Variants in HHLA1 observed in about 807,000 individuals in gnomAD.
HHLA1 encodes the protein HERV-H LTR-associating protein 1.
In HHLA1, 72 loss-of-function variants were observed where a neutral mutation model predicts 69.9. The ratio of observed to expected loss-of-function variants is 1.03; its 90% CI spans 0.85 to 1.25. The LOEUF (loss-of-function observed/expected upper bound fraction) is 1.25, where lower values mean the gene tolerates loss of function less well. Among genes scored for constraint, HHLA1 ranks in the 50% most tolerant of loss-of-function variants. The pLI, the probability that HHLA1 is intolerant of heterozygous loss-of-function variation, is 0.00. For synonymous variants in HHLA1, 252 were observed against 233.2 expected (o/e 1.08, Z -0.73); for missense variants, 685 against 642.2 (o/e 1.07, Z -0.72).
Position 132,061,707 on chromosome 8 carries a change from G to T in HHLA1, c.*2288C>A, listed in dbSNP as rs112687660. The T allele has an allele frequency of 5.9e-5, 9 of 152,050 alleles. No individual in the cohort carries two copies. Among genetic ancestry groups the T allele is most frequent in the African/African-American group, 2.2e-4 (9 of 41,392 alleles). 9.4% of individuals were successfully genotyped at this position (152,050 alleles called of 1,614,324 possible). A position where few individuals can be genotyped will look rare whatever the true frequency, so the allele number is the denominator to read the frequency against. ...ATCAGGACACATTCAGCTCAGAAGGGGTCAAACCTCTTATGAACTCCAGGA... is the reference window on the plus strand; with the variant it reads ...ATCAGGACACATTCAGCTCAGAAGGTGTCAAACCTCTTATGAACTCCAGGA... On this transcript the variant is annotated 3_prime_UTR_variant, in exon 17 of 17. Coordinates refer to ENST00000414222, the MANE Select transcript of HHLA1 (RefSeq NM_001145095.3).
rs72715366 is a variant in HHLA1, at chr8:132,098,934, G to A, written c.228C>T (p.Ser76=). Residue 76 remains serine (S), a synonymous_variant, in exon 5 of 17, where the codon TCC becomes TCT. Transcript: ENST00000414222. Reference sequence around the variant, plus strand: ...TCACAAGCTCTGTCAGGTTAAGCGCGGACAGATCGATTGACCTTGCGGGCA... The same window carrying A: ...TCACAAGCTCTGTCAGGTTAAGCGCAGACAGATCGATTGACCTTGCGGGCA... ...TELPARSIDL[S]ALNLTELVNG... is the part of the protein sequence containing the mutation. 149,792 of 1,547,930 alleles carry A rather than the reference G, an allele frequency of 0.097. 7,753 individuals are homozygous for A. Among genetic ancestry groups the A allele is most frequent in the African/African-American group, 0.16 (11,431 of 72,844 alleles).
At chr8:132,067,425 T>C (rs1395769906) in intron 15 of HHLA1, among the ~76,000 whole-genome samples, 1 of 152,158 alleles carries the variant, frequency 6.6e-6, no homozygotes, top group East Asian at 1.9e-4. Context: ...GAAGAAGCAA[T>C]TGATGAACAC....
intron 10 of HHLA1, among the ~76,000 whole-genome samples, chr8:132,081,970 G>T (rs527544703): frequency 6.6e-5 from 10 of 152,248 alleles, no homozygotes; most frequent in Admixed American, 5.9e-4. Flanking sequence ...TAGGCCTGGT[G>T]GAACTGCCAT....
At chr8:132,095,813 C>A in intron 5 of HHLA1, 27 bp from the exon 6 acceptor site, 1 of 1,409,270 alleles carries the variant, frequency 7.1e-7, no homozygotes, top group Non-Finnish European at 9.7e-7. Context: ...GATAAAGAGA[C>A]AGACAGATGC....
At chr8:132,108,992 A>G (rs1824251665) in intron 1 of HHLA1, among the ~76,000 whole-genome samples, 1 of 152,012 alleles carries the variant, frequency 6.6e-6, no homozygotes, top group Non-Finnish European at 1.5e-5. Flanking sequence ...TGGCCCTTTT[A>G]GGGTATTTTT....
chr8:132,078,910 T>C (rs1395123837), intron 11 of HHLA1, among the ~76,000 whole-genome samples: 1 of 152,122 alleles, frequency 6.6e-6, no homozygotes, highest in South Asian at 2.1e-4. Context: ...TCTTTTTTGT[T>C]TGTTTGTTTT....
intron 15 of HHLA1, chr8:132,070,251 A>G (rs1194868181): frequency 4.3e-6 from 3 of 692,082 alleles, no homozygotes; most frequent in African/African-American, 1.8e-5. Context: ...AAGAAATAAC[A>G]GTATGTCAGC....
intron 4 of HHLA1, 78 bp from the exon 5 acceptor site, chr8:132,099,040 G>A: frequency 9.0e-7 from 1 of 1,108,532 alleles, no homozygotes; most frequent in Admixed American, 2.3e-5. Flanking sequence ...CAAACTTCAG[G>A]CAGATATTCA....
chr8:132,089,240 C>T (rs1410675188), intron 8 of HHLA1, among the ~76,000 whole-genome samples: 1 of 152,142 alleles, frequency 6.6e-6, no homozygotes, highest in Non-Finnish European at 1.5e-5. Flanking sequence ...ATCTACTCAC[C>T]AGATGTTTTC....
intron 5 of HHLA1, among the ~76,000 whole-genome samples, chr8:132,097,843 CTAAG>C (rs1824048764): frequency 6.6e-6 from 1 of 152,184 alleles, no homozygotes. Flanking sequence ...GGGTCAATGT[CTAAG>C]TGAACAAGTG....
At chr8:132,091,535 A>T (rs1823945508) in intron 7 of HHLA1, among the ~76,000 whole-genome samples, 1 of 152,220 alleles carries the variant, frequency 6.6e-6, no homozygotes, top group Non-Finnish European at 1.5e-5. Context: ...AACTGTTTTC[A>T]CAATCTGCTT....
In HHLA1 at chr8:132,104,193, G is replaced by A. The variant is rs565728392; in HGVS notation, c.80-26C>T. The A allele has an allele frequency of 2.0e-6, 3 of 1,501,668 alleles. No homozygotes were observed. In the South Asian group the frequency reaches 3.6e-5, roughly 18 times the overall value. 93.0% of individuals were successfully genotyped at this position (1,501,668 alleles called of 1,614,324 possible). On this transcript the variant is annotated intron_variant, in intron 2 of 16. Coordinates refer to ENST00000414222, the MANE Select transcript of HHLA1 (RefSeq NM_001145095.3). ...CTAAAGTAAAAAAGGTTTAATCACA[G>A]AAATTATAACCAAGACATAATACCG...
At position 132,084,930 on chromosome 8, in the gene HHLA1, G is replaced by A. The variant is rs183744480; in HGVS notation, c.676+2723C>T. ...CTTGCCGCTAAGGGTGAAGGAGAAG[G>A]GGTTGAGGGGTACTTGCCCCTGCCC... On this transcript the variant is annotated intron_variant, in intron 10 of 16. Transcript: ENST00000414222. 7.4e-3 allele frequency among the ~76,000 whole-genome samples: 1,126 copies of A among 152,074 alleles called. 10 individuals are homozygous for A. Among genetic ancestry groups the A allele is most frequent in the African/African-American group, 0.026 (1,086 of 41,476 alleles).
chr8:132,087,427 A>C (rs7003013), intron 10 of HHLA1, among the ~76,000 whole-genome samples: 136,885 of 152,192 alleles, frequency 0.9, 61,916 homozygotes, highest in Middle Eastern at 0.95. Flanking sequence ...AGTGGCAGTT[A>C]CTCAGCTCCA....
At chr8:132,090,606 C>A in intron 7 of HHLA1, among the ~76,000 whole-genome samples, 1 of 152,152 alleles carries the variant, frequency 6.6e-6, no homozygotes, top group Admixed American at 6.5e-5. Context: ...ATGCAAGAAC[C>A]AAAGCCATGA....
chr8:132,078,902 T>C (rs1191708162), intron 11 of HHLA1, among the ~76,000 whole-genome samples: 1 of 151,842 alleles, frequency 6.6e-6, no homozygotes, highest in Non-Finnish European at 1.5e-5. Context: ...ATATTGACTC[T>C]TTTTTGTTTG....
intron 14 of HHLA1, among the ~76,000 whole-genome samples, chr8:132,075,458 G>A (rs957200789): frequency 6.6e-6 from 1 of 152,202 alleles, no homozygotes; most frequent in Non-Finnish European, 1.5e-5. Context: ...CAAGTCCTCA[G>A]CCTCTGTCAG....
At chr8:132,093,419 CT>C (rs1169587374) in intron 7 of HHLA1, among the ~76,000 whole-genome samples, 1 of 152,090 alleles carries the variant, frequency 6.6e-6, no homozygotes, top group Non-Finnish European at 1.5e-5. Context: ...CAAAGGAGGG[CT>C]TTAGATCAGA....
intron 3 of HHLA1, among the ~76,000 whole-genome samples, chr8:132,103,047 A>AT (rs896306359): frequency 2.6e-5 from 4 of 152,164 alleles, no homozygotes; most frequent in African/African-American, 9.7e-5. Context: ...GGTTCCTGGC[A>AT]TTTTTTGTAC....
Sources: allele counts gnomAD v4.1 joint callset (sites outside exome capture counted in the v4.1 genomes callset), GRCh38; gene constraint gnomAD v4.1.1; transcripts MANE v1.5; gene names NCBI Gene and HGNC (gene_info 2026-07-23, HGNC 2026-07-21).